The following PTBP3 variants were observed in gnomAD, a reference collection of about 807,000 sequenced individuals.
PTBP3 encodes the protein polypyrimidine tract binding protein 3.
A neutral mutation model predicts 58.7 loss-of-function variants in PTBP3; 20 were observed. The observed-to-expected ratio is 0.34, with a 90% CI of 0.24 to 0.50. PTBP3 has a LOEUF of 0.50. PTBP3 is among the 20% of genes least tolerant of loss of function. The pLI is 0.98. For synonymous variants in PTBP3, 185 were observed against 219.8 expected (o/e 0.84, Z 1.40); for missense variants, 509 against 637.2 (o/e 0.80, Z 2.17).
chr9:112,340,717 T>C, the PTBP3 span, among the ~76,000 whole-genome samples: 10,368 of 151,906 alleles, frequency 0.068, 502 homozygotes, highest in Non-Finnish European at 0.11. Context: ...CCGTCTCTAC[T>C]AAAAGCACAA....
At chr9:112,241,716 T>C (rs981209269) in intron 7 of PTBP3, among the ~76,000 whole-genome samples, 1 of 152,218 alleles carries the variant, frequency 6.6e-6, no homozygotes, top group African/African-American at 2.4e-5. Context: ...TACATGACTG[T>C]ATATTTAAAG....
rs1830237092 is a variant in PTBP3, at chr9:112,328,324, G to T, written c.-52+5146C>A. ...GGAATCCAAAAAGAACAATCTTAGA[G>T]AAATTTCTCCAGATAATGCATAATT... On this transcript the variant is annotated intron_variant, in intron 1 of 13. Coordinates refer to ENST00000374257, the MANE Select transcript of PTBP3 (RefSeq NM_001163788.4). Among the ~76,000 whole-genome samples, 4 of 152,144 alleles carry T rather than the reference G, an allele frequency of 2.6e-5. No individual in the cohort carries two copies. In the South Asian group the frequency reaches 8.3e-4, roughly 32 times the overall value.
At chr9:112,237,732 GAA>G (rs1396596913) in intron 7 of PTBP3, among the ~76,000 whole-genome samples, 1 of 152,142 alleles carries the variant, frequency 6.6e-6, no homozygotes, top group Non-Finnish European at 1.5e-5. Context: ...CCCACAGTGA[GAA>G]GTCAACAGGA....
chr9:112,371,153 G>C, the PTBP3 span, among the ~76,000 whole-genome samples: 1 of 152,032 alleles, frequency 6.6e-6, no homozygotes, highest in Non-Finnish European at 1.5e-5. Context: ...CCAGTACAAT[G>C]TTGAATATAA....
chr9:112,301,162 A>C (rs1050155168), intron 1 of PTBP3, among the ~76,000 whole-genome samples: 2 of 152,180 alleles, frequency 1.3e-5, no homozygotes, highest in Non-Finnish European at 2.9e-5. Flanking sequence ...TAAGATCAAC[A>C]ATAAAAAAAG....
chr9:112,261,541 G>A (rs943207510), intron 5 of PTBP3, among the ~76,000 whole-genome samples: 5 of 152,152 alleles, frequency 3.3e-5, no homozygotes, highest in African/African-American at 9.7e-5. Context: ...CCAAAGGCAT[G>A]ACTCTGTCAA....
chr9:112,318,484 G>C lies in PTBP3; in HGVS notation c.-52+14986C>G, dbSNP rs578220104. On this transcript the variant is annotated intron_variant, in intron 1 of 13. Coordinates refer to ENST00000374257, the MANE Select transcript of PTBP3 (RefSeq NM_001163788.4). ...CGACATAAAAGAATTTGAAAGCTGGGTGCAGTGGCTCACACCTATAATCCC... is the reference window on the plus strand; with the variant it reads ...CGACATAAAAGAATTTGAAAGCTGGCTGCAGTGGCTCACACCTATAATCCC... Among the ~76,000 whole-genome samples, 18 of 152,328 alleles carry C rather than the reference G, an allele frequency of 1.2e-4. No individual in the cohort carries two copies. In the East Asian group the frequency reaches 2.7e-3, roughly 23 times the overall value.
chr9:112,271,894 T>G (rs929459554), intron 3 of PTBP3, among the ~76,000 whole-genome samples: 1 of 152,312 alleles, frequency 6.6e-6, no homozygotes, highest in East Asian at 1.9e-4. Context: ...TTCAAGTGAT[T>G]TGATATCTGT....
chr9:112,297,426 A>T (rs1254962455), intron 2 of PTBP3, among the ~76,000 whole-genome samples: 4 of 152,094 alleles, frequency 2.6e-5, no homozygotes, highest in African/African-American at 9.7e-5. Context: ...GCTGGTCTTG[A>T]ACTCCTGACC....
chr9:112,254,162 GT>G (rs1322795059), intron 5 of PTBP3, among the ~76,000 whole-genome samples: 1 of 151,816 alleles, frequency 6.6e-6, no homozygotes, highest in Non-Finnish European at 1.5e-5. Context: ...TATTTTTAAG[GT>G]TTTATAGAGA....
In PTBP3 at chr9:112,221,960, T is replaced by C; in HGVS notation, c.*1891A>G. ...ACTATGTTCCAGGGCTGGAGTGAAG[T>C]GGCTATTCACAAATGTGATCATAGC... On this transcript the variant is annotated 3_prime_UTR_variant, in exon 14 of 14. Transcript: ENST00000374257. 2 of 929,690 alleles carry C rather than the reference T, an allele frequency of 2.2e-6. No individual in the cohort carries two copies. The highest frequency in any genetic ancestry group is 5.0e-5 in the South Asian group (1 of 20,056). The allele number at this position is 929,690 out of a possible 1,614,324, so 57.6% of individuals were successfully genotyped here. A position where few individuals can be genotyped will look rare whatever the true frequency, so the allele number is the denominator to read the frequency against.
Position 112,223,482 on chromosome 9 carries a change from A to G in PTBP3, c.*369T>C. 1 of 914,296 alleles carries G rather than the reference A, an allele frequency of 1.1e-6. No homozygotes were observed. The highest frequency in any genetic ancestry group is 1.3e-6 in the Non-Finnish European group (1 of 762,276). The allele number at this position is 914,296 out of a possible 1,614,324, so 56.6% of individuals were successfully genotyped here. ...TAGAAGTCTGTGTTTAAATTTTTTA[A>G]AAGTACAAATGAGTTTAGAAATGTT... On this transcript the variant is annotated 3_prime_UTR_variant, in exon 14 of 14. Coordinates refer to ENST00000374257, the MANE Select transcript of PTBP3 (RefSeq NM_001163788.4).
intron 1 of PTBP3, chr9:112,330,450 G>A (rs1193419692): frequency 3.9e-6 from 6 of 1,524,330 alleles, no homozygotes; most frequent in South Asian, 1.2e-5. Context: ...CCTTTAAACC[G>A]ACTGTTATAA....
rs529906053 is a variant in PTBP3 at position 112,221,590 on chromosome 9, T to C, written c.*2261A>G. The C allele has an allele frequency of 1.0e-6, 1 of 985,490 alleles. No individual in the cohort carries two copies. The highest frequency in any genetic ancestry group is 1.7e-5 in the African/African-American group (1 of 57,344). The allele number at this position is 985,490 out of a possible 1,614,324, so 61.0% of individuals were successfully genotyped here. A position where few individuals can be genotyped will look rare whatever the true frequency, so the allele number is the denominator to read the frequency against. The stretch of plus-strand genomic sequence containing the variant: ...GGGAGATTTTGCAAAGAAATTTTTT[T>C]CCTCCTTCATATACCCCTTGTGTCT... On this transcript the variant is annotated 3_prime_UTR_variant, in exon 14 of 14. Transcript: ENST00000374257.
At chr9:112,343,648 G>A in the PTBP3 span, among the ~76,000 whole-genome samples, 2 of 151,912 alleles carry the variant, frequency 1.3e-5, no homozygotes, top group East Asian at 1.9e-4. Flanking sequence ...AAAATTAGCT[G>A]GGTGTGGTGG....
chr9:112,333,516 G>A lies in PTBP3; in HGVS notation c.-98C>T. 4 of 1,582,674 alleles carry A rather than the reference G, an allele frequency of 2.5e-6. No homozygotes were observed. Among genetic ancestry groups the A allele is most frequent in the African/African-American group, 1.4e-5 (1 of 72,082 alleles). ...GCGCGCACAGAGCAGGGACTGACGG[G>A]CTAACCGCGAGCAGAGGAAGCAGGC... On this transcript the variant is annotated 5_prime_UTR_variant, in exon 1 of 14. Coordinates refer to ENST00000374257, the MANE Select transcript of PTBP3 (RefSeq NM_001163788.4).
chr9:112,326,016 T>TCAAACAAA lies in PTBP3; in HGVS notation c.-52+7446_-52+7453dup, dbSNP rs56303654. Among the ~76,000 whole-genome samples, 283 of 151,434 alleles carry TCAAACAAA rather than the reference T, an allele frequency of 1.9e-3. 2 individuals are homozygous for TCAAACAAA. The highest frequency in any genetic ancestry group is 6.6e-3 in the African/African-American group (273 of 41,300). ...CTGAGCTACACAGTGAGACCCTGTC[T>TCAAACAAA]CAAACAAACAAAACAGGTAAAACTA... On this transcript the variant is annotated intron_variant, in intron 1 of 13. Transcript: ENST00000374257.
intron 12 of PTBP3, among the ~76,000 whole-genome samples, chr9:112,225,366 C>T (rs1427657375): frequency 2.6e-5 from 4 of 152,032 alleles, no homozygotes; most frequent in East Asian, 1.9e-4. Context: ...ATAATAATGC[C>T]AACAACAACA....
chr9:112,233,923 A>G (rs991504913), intron 8 of PTBP3, among the ~76,000 whole-genome samples: 2 of 122,338 alleles, frequency 1.6e-5, no homozygotes, highest in Non-Finnish European at 1.6e-5. Context: ...AGAGTGAGCT[A>G]TCTGTCTCAC....
Sources: gnomAD v4.1 joint callset for allele counts (sites outside exome capture counted in the v4.1 genomes callset) on GRCh38, gnomAD v4.1.1 for gene constraint, MANE v1.5 for transcripts, NCBI Gene and HGNC (gene_info 2026-07-23, HGNC 2026-07-21) for gene names.